LPP: variants seen among roughly 807,000 people sequenced by gnomAD.
The protein encoded by LPP is lipoma-preferred partner.
In LPP, 38 loss-of-function variants were observed where a neutral mutation model predicts 60.4. That is an observed-to-expected ratio of 0.63 (90% confidence interval 0.49 to 0.83). LPP has a LOEUF of 0.83. Among genes scored for constraint, LPP ranks in the 40% least tolerant of loss-of-function variants. The probability of loss-of-function intolerance (pLI) is 0.00; values close to 1 mark genes in which losing one functional copy is unlikely to be tolerated. For synonymous variants in LPP, 328 were observed against 290.8 expected, an observed-to-expected ratio of 1.13 and a Z score of -1.30; for missense variants, 902 against 783.6, an observed-to-expected ratio of 1.15 and a Z score of -1.80.
chr3:188,154,513 CT>C (rs1560065116), intron 1 of LPP, among the ~76,000 whole-genome samples: 1 of 152,156 alleles, frequency 6.6e-6, no homozygotes, highest in Admixed American at 6.5e-5. Context: ...CCTGCCCGGA[CT>C]TTTCTGGGCG....
At chr3:188,552,599 C>G (rs1828441764) in intron 6 of LPP, among the ~76,000 whole-genome samples, 1 of 152,128 alleles carries the variant, frequency 6.6e-6, no homozygotes, top group Non-Finnish European at 1.5e-5. Flanking sequence ...TCTGGAGGCT[C>G]TAGTCATAGT....
intron 2 of LPP, among the ~76,000 whole-genome samples, chr3:188,317,795 A>AG (rs1319947711): frequency 6.6e-6 from 1 of 150,948 alleles, no homozygotes; most frequent in East Asian, 2.0e-4. Context: ...ATTGGGGGGA[A>AG]AAATGAAGCT....
chr3:188,809,324 T>C (rs1186463118), intron 9 of LPP, among the ~76,000 whole-genome samples: 1 of 152,158 alleles, frequency 6.6e-6, no homozygotes, highest in Non-Finnish European at 1.5e-5. Context: ...TTCCTATTTC[T>C]CCACAGCCTG....
At chr3:188,249,561 A>G (rs932000714) in intron 2 of LPP, among the ~76,000 whole-genome samples, 6 of 152,158 alleles carry the variant, frequency 3.9e-5, no homozygotes, top group African/African-American at 9.7e-5. Context: ...TATTATATGA[A>G]ATAAAATTGC....
At chr3:188,369,027 G>A (rs1469021756) in intron 3 of LPP, among the ~76,000 whole-genome samples, 1 of 152,118 alleles carries the variant, frequency 6.6e-6, no homozygotes, top group East Asian at 1.9e-4. Flanking sequence ...TCATCTCCAA[G>A]TGCTTAAGGG....
At chr3:188,869,007 G>A (rs972142550) in intron 10 of LPP, among the ~76,000 whole-genome samples, 2 of 152,210 alleles carry the variant, frequency 1.3e-5, no homozygotes, top group African/African-American at 2.4e-5. Flanking sequence ...GTAAGGGCTT[G>A]CACTGTCAAA....
chr3:188,737,476 A>G (rs2150126276), intron 8 of LPP, among the ~76,000 whole-genome samples: 1 of 152,318 alleles, frequency 6.6e-6, no homozygotes, highest in East Asian at 1.9e-4. Context: ...TGAATTTTAG[A>G]ACTCCGCTCC....
chr3:188,862,713 A>C (rs1229218852), intron 9 of LPP, among the ~76,000 whole-genome samples: 2 of 109,324 alleles, frequency 1.8e-5, no homozygotes, highest in Non-Finnish European at 3.5e-5. Flanking sequence ...CCTACTAGAC[A>C]AAAAAATAAA....
chr3:188,590,389 A>G (rs921369493), intron 6 of LPP, among the ~76,000 whole-genome samples: 18 of 152,090 alleles, frequency 1.2e-4, no homozygotes, highest in African/African-American at 3.4e-4. Context: ...CCTGGCCAAC[A>G]TGGTGAAACC....
chr3:188,659,587 A>G (rs529594412), intron 7 of LPP, among the ~76,000 whole-genome samples: 20 of 152,174 alleles, frequency 1.3e-4, no homozygotes, highest in Non-Finnish European at 2.6e-4. Flanking sequence ...CAAGCAGGCA[A>G]GTTGGTAGCT....
chr3:188,644,767 T>C (rs1483149219), intron 7 of LPP, among the ~76,000 whole-genome samples: 1 of 152,170 alleles, frequency 6.6e-6, no homozygotes, highest in Admixed American at 6.5e-5. Flanking sequence ...TACATAGATT[T>C]ATTAACTCAA....
chr3:188,515,507 G>A (rs759325059), intron 5 of LPP, among the ~76,000 whole-genome samples: 68 of 152,226 alleles, frequency 4.5e-4, no homozygotes, highest in East Asian at 1.4e-3. Flanking sequence ...CTAATGTAAC[G>A]TTTTTGTGCT....
At chr3:188,343,813 G>A (rs1156719208) in intron 3 of LPP, among the ~76,000 whole-genome samples, 1 of 152,218 alleles carries the variant, frequency 6.6e-6, no homozygotes, top group Non-Finnish European at 1.5e-5. Flanking sequence ...GGAGCATGCT[G>A]TAGAAATTTA....
chr3:188,552,630 A>C (rs1246601936), intron 6 of LPP, among the ~76,000 whole-genome samples: 1 of 152,108 alleles, frequency 6.6e-6, no homozygotes, highest in Non-Finnish European at 1.5e-5. Flanking sequence ...CCCAGCTTCT[A>C]GAGGCTGCCC....
intron 1 of LPP, among the ~76,000 whole-genome samples, chr3:188,192,599 A>G (rs1728481679): frequency 6.6e-6 from 1 of 152,322 alleles, no homozygotes; most frequent in South Asian, 2.1e-4. Context: ...CACTCATTCT[A>G]CAGGTTAAGA....
chr3:188,223,097 G>T (rs1716416567), intron 1 of LPP, among the ~76,000 whole-genome samples: 1 of 152,112 alleles, frequency 6.6e-6, no homozygotes, highest in South Asian at 2.1e-4. Context: ...ATTCCCTTTT[G>T]GGAATTCGGT....
chr3:188,401,281 T>C (rs968987729), intron 3 of LPP, among the ~76,000 whole-genome samples: 1 of 152,212 alleles, frequency 6.6e-6, no homozygotes. Context: ...AGAACTCATG[T>C]TATCTTTTAA....
chr3:188,440,734 A>ACCTTTGGGGTTTGATTCCAGT (rs1202358470), intron 4 of LPP, among the ~76,000 whole-genome samples: 1 of 152,106 alleles, frequency 6.6e-6, no homozygotes, highest in East Asian at 1.9e-4. Flanking sequence ...GTGCAGTTTG[A>ACCTTTGGGGTTTGATTCCAGT]CCTTTGGGGT....
chr3:188,567,577 G>A (rs1294900048), intron 6 of LPP, among the ~76,000 whole-genome samples: 5 of 151,838 alleles, frequency 3.3e-5, no homozygotes, highest in Admixed American at 6.6e-5. Flanking sequence ...CATACAGTTG[G>A]TCTTATAGAA....
Sources: gnomAD v4.1 joint callset for allele counts (sites outside exome capture counted in the v4.1 genomes callset) on GRCh38, gnomAD v4.1.1 for gene constraint, MANE v1.5 for transcripts, NCBI Gene and HGNC (gene_info 2026-07-23, HGNC 2026-07-21) for gene names.